KLHL8: variants seen among roughly 807,000 people sequenced by gnomAD.
KLHL8 encodes the protein kelch like family member 8, also known as kelch-like protein 8.
KLHL8 carries 38 observed loss-of-function variants against 63.5 expected under a neutral mutation model. That is an observed-to-expected ratio of 0.60 (90% CI 0.46 to 0.78). The LOEUF is 0.78. Ranked by LOEUF, KLHL8 falls within the 30% of genes least tolerant of loss-of-function variation. KLHL8 has a pLI of 0.00. For synonymous variants in KLHL8, 224 were observed against 254.3 expected, an observed-to-expected ratio of 0.88 and a Z score of 1.13; for missense variants, 566 against 752.4, an observed-to-expected ratio of 0.75 and a Z score of 2.90.
At chr4:87,190,422 A>T (rs1356531784) in intron 2 of KLHL8, among the ~76,000 whole-genome samples, 1 of 152,144 alleles carries the variant, frequency 6.6e-6, no homozygotes, top group African/African-American at 2.4e-5. Context: ...AGGTAGGCGG[A>T]TCACCTGAGG....
Position 87,183,341 on chromosome 4 carries a change from T to C in KLHL8, c.814A>G (p.Lys272Glu), listed in dbSNP as rs1230143171. 1.2e-6 allele frequency: 2 copies of C among 1,613,128 alleles called. No individual in the cohort carries two copies. The highest frequency in any genetic ancestry group is 1.7e-6 in the Non-Finnish European group (2 of 1,179,346). Reference sequence around the variant, plus strand: ...AGATTTTGCTTGACAATCTGTTCTTTTGCCACAACACCCATAAGAAAATCA... The same window carrying C: ...AGATTTTGCTTGACAATCTGTTCTTCTGCCACAACACCCATAAGAAAATCA... ...PVDFLMGVVA[K>E]EQIVKQNLKC... Residue 272 changes from lysine (K) to glutamate (E), a missense_variant, in exon 4 of 10, where the codon AAA becomes GAA. Lys to Glu is a moderately conservative substitution (Grantham distance 56). Coordinates refer to ENST00000273963, the MANE Select transcript of KLHL8 (RefSeq NM_020803.5).
At chr4:87,207,973 G>A (rs1732212616) in intron 1 of KLHL8, 8 of 784,032 alleles carry the variant, frequency 1.0e-5, no homozygotes, top group Admixed American at 5.4e-5. Context: ...CACCTTCAAT[G>A]TTAGGGCTGG....
intron 2 of KLHL8, among the ~76,000 whole-genome samples, chr4:87,190,569 G>A (rs1424823801): frequency 1.3e-5 from 2 of 151,674 alleles, no homozygotes; most frequent in African/African-American, 2.4e-5. Flanking sequence ...GCTTGAACCC[G>A]GGAGGCAGAG....
At chr4:87,209,496 A>C (rs776119800) in intron 1 of KLHL8, among the ~76,000 whole-genome samples, 4 of 152,260 alleles carry the variant, frequency 2.6e-5, no homozygotes, top group Non-Finnish European at 5.9e-5. Flanking sequence ...ACAGGTTTAT[A>C]GTTCAACGCA....
intron 4 of KLHL8, among the ~76,000 whole-genome samples, chr4:87,182,773 T>TTTTATTTGGTAAAATGAAAA (rs1731103546): frequency 6.6e-6 from 1 of 152,192 alleles, no homozygotes. Context: ...TTAGTGCCCT[T>TTTTATTTGGTAAAATGAAAA]TTTATTTGGT....
intron 1 of KLHL8, among the ~76,000 whole-genome samples, chr4:87,218,937 T>C (rs1375212193): frequency 3.3e-5 from 5 of 152,072 alleles, no homozygotes; most frequent in Non-Finnish European, 2.9e-5. Context: ...GGTTTCACCA[T>C]GTTGGCCAGA....
chr4:87,170,024 T>G, intron 8 of KLHL8, 55 bp downstream of exon 8: 1 of 1,383,358 alleles, frequency 7.2e-7, no homozygotes, highest in Non-Finnish European at 1.0e-6. Context: ...TACTCTGTTA[T>G]ATGACACTTG....
At chr4:87,204,808 G>A (rs1430839293) in intron 1 of KLHL8, among the ~76,000 whole-genome samples, 2 of 152,196 alleles carry the variant, frequency 1.3e-5, no homozygotes, top group African/African-American at 2.4e-5. Context: ...GGGATGAGGG[G>A]CAGGGAAAGA....
chr4:87,181,256 G>A (rs1285942957), intron 4 of KLHL8, among the ~76,000 whole-genome samples: 4 of 149,276 alleles, frequency 2.7e-5, no homozygotes, highest in African/African-American at 7.4e-5. Context: ...GTGAAACCCT[G>A]CCTCTAGTAA....
At chr4:87,200,880 A>G (rs1306417006) in intron 1 of KLHL8, among the ~76,000 whole-genome samples, 1 of 152,230 alleles carries the variant, frequency 6.6e-6, no homozygotes, top group Non-Finnish European at 1.5e-5. Flanking sequence ...CAAGAGGTAG[A>G]AGCAGCCTAA....
intron 9 of KLHL8, 100 bp downstream of exon 9, chr4:87,163,778 A>G (rs1578352847): frequency 2.0e-6 from 3 of 1,509,512 alleles, no homozygotes; most frequent in East Asian, 4.5e-5. Flanking sequence ...GATATCCCAA[A>G]GCTTAGTATT....
At chr4:87,222,038 C>G (rs1014673682), upstream of KLHL8, among the ~76,000 whole-genome samples, 1 of 152,174 alleles carries the variant, frequency 6.6e-6, no homozygotes, top group African/African-American at 2.4e-5. Flanking sequence ...TTCCCCATTA[C>G]CCCTCCTGCC....
chr4:87,231,760 C>A (rs988060547), intron 1 of KLHL8, among the ~76,000 whole-genome samples: 2 of 152,048 alleles, frequency 1.3e-5, no homozygotes, highest in Admixed American at 6.6e-5. Flanking sequence ...CCATGCCCAG[C>A]CAATTTTTTT....
intron 1 of KLHL8, among the ~76,000 whole-genome samples, chr4:87,196,153 GT>G (rs11416450): frequency 5.1e-4 from 74 of 145,750 alleles, no homozygotes; most frequent in Admixed American, 1.2e-3. Flanking sequence ...TTAACTGGGA[GT>G]TTTTTTTTTT....
At chr4:87,204,143 C>A (rs187292777) in intron 1 of KLHL8, among the ~76,000 whole-genome samples, 1 of 152,118 alleles carries the variant, frequency 6.6e-6, no homozygotes, top group African/African-American at 2.4e-5. Flanking sequence ...CCCAAGAGTT[C>A]GAAGCTGTAG....
chr4:87,169,059 C>G (rs927820688), intron 8 of KLHL8, among the ~76,000 whole-genome samples: 2 of 151,694 alleles, frequency 1.3e-5, no homozygotes, highest in African/African-American at 4.8e-5. Context: ...AATCCCAGCA[C>G]TTTGGGAGGC....
At chr4:87,235,614 G>C (rs1048835856) in intron 1 of KLHL8, among the ~76,000 whole-genome samples, 21 of 152,230 alleles carry the variant, frequency 1.4e-4, no homozygotes, top group African/African-American at 5.1e-4. Context: ...GGGCAGGGTG[G>C]AGAAAAAGCA....
intron 2 of KLHL8, among the ~76,000 whole-genome samples, chr4:87,191,369 G>A (rs1279247705): frequency 6.6e-6 from 1 of 152,060 alleles, no homozygotes; most frequent in African/African-American, 2.4e-5. Flanking sequence ...CTCAGGGGGT[G>A]GAGTAGGGTT....
chr4:87,190,384 C>T (rs1731434762), intron 2 of KLHL8, among the ~76,000 whole-genome samples: 1 of 152,152 alleles, frequency 6.6e-6, no homozygotes, highest in Non-Finnish European at 1.5e-5. Context: ...GTGGCTCATG[C>T]CTGTAATCCC....
Sources: gnomAD v4.1 joint callset for allele counts (sites outside exome capture counted in the v4.1 genomes callset) on GRCh38, gnomAD v4.1.1 for gene constraint, MANE v1.5 for transcripts, NCBI Gene and HGNC (gene_info 2026-07-23, HGNC 2026-07-21) for gene names.